The following OPLAH variants were observed in gnomAD, a reference collection of about 807,000 sequenced individuals.
OPLAH encodes 5-oxoprolinase, ATP-hydrolysing.
Under a neutral mutation model 122.8 loss-of-function variants are expected in OPLAH, and 103 were observed. That is an observed-to-expected ratio of 0.84 (90% CI 0.71 to 0.99). The LOEUF (loss-of-function observed/expected upper bound fraction) is 0.99, where lower values mean the gene tolerates loss of function less well. Among genes scored for constraint, OPLAH ranks in the 50% least tolerant of loss-of-function variants. OPLAH has a pLI of 0.00. For synonymous variants in OPLAH, 875 were observed against 796.0 expected, an observed-to-expected ratio of 1.10 and a Z score of -1.67; for missense variants, 1,902 against 1,836.5, an observed-to-expected ratio of 1.04 and a Z score of -0.65.
In OPLAH at chr8:144,059,776, G is replaced by T; in HGVS notation, c.186C>A (p.Leu62=). The T allele has an allele frequency of 6.2e-7, 1 of 1,608,400 alleles. No individual in the cohort carries two copies. Among genetic ancestry groups the T allele is most frequent in the East Asian group, 2.2e-5 (1 of 44,810 alleles). The part of the protein sequence containing the change: ...RRILEQEAGM[L]LPRDQPLDSS... The stretch of plus-strand genomic sequence containing the variant: ...AGTCCAGCGGCTGGTCCCGGGGCAG[G>T]AGCATGCCGGCCTCCTGGGGACCAC... Residue 62 remains leucine (L), a synonymous_variant, in exon 3 of 27, where the codon CTC becomes CTA. Coordinates refer to ENST00000618853, the MANE Select transcript of OPLAH (RefSeq NM_017570.5).
At position 144,055,111 on chromosome 8, in the gene OPLAH, A is replaced by G; in HGVS notation, c.2327T>C (p.Phe776Ser). 6.3e-7 allele frequency: 1 copy of G among 1,586,442 alleles called. No homozygotes were observed. Among genetic ancestry groups the G allele is most frequent in the Non-Finnish European group, 8.6e-7 (1 of 1,166,818 alleles). Residue 776 changes from phenylalanine (F) to serine (S), a missense_variant, in exon 17 of 27, where the codon TTT (phenylalanine) becomes TCT (serine). By Grantham distance (155) the Phe-to-Ser change is radical. Transcript: ENST00000618853. This position sits in a 1 kb window ranked among gnomAD's most constrained non-coding sequence, Gnocchi z 6.5. Reference sequence around the variant, plus strand: ...GGACACCAGCCCCCCATCGGGCCCAAAGAGGGCACAGGAGAAGTCCAGACG... The same window carrying G: ...GGACACCAGCCCCCCATCGGGCCCAGAGAGGGCACAGGAGAAGTCCAGACG... Reference protein sequence around the residue: ...KERLDFSCALFGPDGGLVSNA... With the variant: ...KERLDFSCALSGPDGGLVSNA...
rs1287913116 is a variant in OPLAH, at chr8:144,052,444, C to T, written c.3303+5G>A. 2.0e-6 allele frequency: 3 copies of T among 1,534,662 alleles called. No homozygotes were observed. The highest frequency in any genetic ancestry group is 2.4e-5 in the East Asian group (1 of 40,852). Reference sequence around the variant, plus strand: ...CCCCGAGCTGCGCCCACCCCGCCCCCGCACCTGGGAGGCGGCGCAGGCCCC... The same window carrying T: ...CCCCGAGCTGCGCCCACCCCGCCCCTGCACCTGGGAGGCGGCGCAGGCCCC... On this transcript the variant is annotated splice_donor_5th_base_variant and intron_variant, in intron 23 of 26. Transcript: ENST00000618853.
Position 144,052,379 on chromosome 8 carries a change from C to T in OPLAH, c.3304-53G>A. ...GGGCTGGGGCAGGGCGTCCCCACCT[C>T]GCCCTCCCGCTCCTACTCCAGCCTG... is the stretch of plus-strand genomic sequence containing the variant. On this transcript the variant is annotated intron_variant, in intron 23 of 26. Transcript: ENST00000618853. The T allele has an allele frequency of 1.3e-6, 2 of 1,512,412 alleles. 1 individual carries two copies. Among genetic ancestry groups the T allele is most frequent in the South Asian group, 2.5e-5 (2 of 80,536 alleles). 93.7% of individuals were successfully genotyped at this position (1,512,412 alleles called of 1,614,324 possible).
At chr8:144,053,664 A>G (rs1271717745) in intron 19 of OPLAH, among the ~76,000 whole-genome samples, 1 of 151,948 alleles carries the variant, frequency 6.6e-6, no homozygotes, top group Non-Finnish European at 1.5e-5. Context: ...GCAGCCAGCA[A>G]TGGGCCACCC....
upstream of OPLAH, among the ~76,000 whole-genome samples, chr8:144,062,454 G>C (rs1274819359): frequency 1.3e-5 from 2 of 152,070 alleles, no homozygotes; most frequent in Non-Finnish European, 1.5e-5. Flanking sequence ...AGCCCCACCT[G>C]CCTGCTCTGA....
At position 144,059,983 on chromosome 8, in the gene OPLAH, G is replaced by T. The variant is rs782491462; in HGVS notation, c.50C>A (p.Thr17Asn). ...RFHFAIDRGGTFTDVFAQCPG... is the reference protein window; with the variant it reads ...RFHFAIDRGGNFTDVFAQCPG... ...GCACTGGGCAAAGACGTCTGTGAAG[G>T]TACCCCCACGGTCGATGGCAAAGTG... is the stretch of plus-strand genomic sequence containing the variant. Residue 17 changes from threonine (T) to asparagine (N), a missense_variant, in exon 2 of 27, where the codon ACC (threonine) becomes AAC (asparagine). Physicochemically the swap from Thr to Asn is moderately conservative, Grantham distance 65. Coordinates refer to ENST00000618853, the MANE Select transcript of OPLAH (RefSeq NM_017570.5). The T allele has an allele frequency of 8.7e-6, 14 of 1,612,732 alleles. No homozygotes were observed. Among genetic ancestry groups the T allele is most frequent in the Non-Finnish European group, 1.2e-5 (14 of 1,179,812 alleles).
chr8:144,052,532 C>T lies in OPLAH; in HGVS notation c.3220G>A (p.Ala1074Thr). ...GTGAGCACGTTGCCGCCCACCACCG[C>T]CGCCTCGGGCGACGGGTCCAGGATG... ...GSILDPSPEAAVVGGNVLTSQ... is the reference protein window; with the variant it reads ...GSILDPSPEATVVGGNVLTSQ... Residue 1074 changes from alanine (A) to threonine (T), a missense_variant, in exon 23 of 27, where the codon GCG becomes ACG. Coordinates refer to ENST00000618853, the MANE Select transcript of OPLAH (RefSeq NM_017570.5). The T allele has an allele frequency of 1.3e-6, 2 of 1,591,010 alleles. No individual in the cohort carries two copies. Among genetic ancestry groups the T allele is most frequent in the South Asian group, 1.1e-5 (1 of 89,180 alleles).
At chr8:144,051,161 C>A, downstream of OPLAH, 2 of 1,432,486 alleles carry the variant, frequency 1.4e-6, no homozygotes, top group East Asian at 5.4e-5. Flanking sequence ...GGCTCACGGA[C>A]CACCGGGCAG....
At chr8:144,053,439 C>T (rs1240593952) in intron 19 of OPLAH, 46 bp from the exon 20 acceptor site, 6 of 1,541,082 alleles carry the variant, frequency 3.9e-6, no homozygotes, top group Middle Eastern at 2.1e-4. Flanking sequence ...ACCCTGTCTG[C>T]ACCCCCAACC....
rs6558292 is a variant in OPLAH, at chr8:144,059,740, G to T, written c.222C>A (p.Ile74=). The change falls in exon 3 of 27, where the codon ATC becomes ATA. Residue 74 remains isoleucine, a synonymous_variant. Transcript: ENST00000618853. The part of the protein sequence containing the change: ...PRDQPLDSSH[I]ASIRMGTTVA... ...CTGTGGTGCCCATGCGGATGCTGGCGATATGACTGGAGTCCAGCGGCTGGT... is the reference window on the plus strand; with the variant it reads ...CTGTGGTGCCCATGCGGATGCTGGCTATATGACTGGAGTCCAGCGGCTGGT... The T allele has an allele frequency of 6.2e-7, 1 of 1,610,212 alleles. No individual in the cohort carries two copies. Among genetic ancestry groups the T allele is most frequent in the African/African-American group, 1.3e-5 (1 of 74,920 alleles).
chr8:144,057,871 C>A lies in OPLAH; in HGVS notation c.1141G>T (p.Ala381Ser), dbSNP rs376513157. 8.1e-6 allele frequency: 13 copies of A among 1,611,718 alleles called. No homozygotes were observed. Among genetic ancestry groups the A allele is most frequent in the Non-Finnish European group, 9.3e-6 (11 of 1,179,488 alleles). ...TGACTCTTACCTTTGCGGTAGCAGG[C>A]GGGTCCTGGGTGGGCTCCTGCTGAC... ...PESAGAHPGP[A>S]CYRKGGPVTV... Residue 381 changes from alanine to serine, a missense_variant, in exon 9 of 27, where the codon GCC becomes TCC. By Grantham distance (99) the Ala-to-Ser change is moderately conservative. Around this residue, in one of 3 missense-constraint regions of OPLAH, gnomAD observed 1,726 missense variants for 1,642.1 expected, o/e 1.05. Transcript: ENST00000618853.
In OPLAH at chr8:144,053,265, C is replaced by T. The variant is rs1296749814; in HGVS notation, c.2815G>A (p.Glu939Lys). ...ANQKGIQLVG[E>K]LIGQYGLDVV... ...TCCAGGCCGTACTGCCCAATGAGCT[C>T]CCCCACCAGCTGGATGCCCTTCTGG... Residue 939 changes from glutamate (E) to lysine (K), a missense_variant, in exon 20 of 27, where the codon GAG (glutamate) becomes AAG (lysine). Glu to Lys is a moderately conservative substitution (Grantham distance 56). Around this residue, in one of 3 missense-constraint regions of OPLAH, gnomAD observed 1,726 missense variants for 1,642.1 expected, o/e 1.05. Transcript: ENST00000618853. 6.2e-7 allele frequency: 1 copy of T among 1,613,010 alleles called. No homozygotes were observed. Among genetic ancestry groups the T allele is most frequent in the Non-Finnish European group, 8.5e-7 (1 of 1,179,822 alleles).
intron 1 of OPLAH, 70 bp downstream of exon 1, chr8:144,060,583 C>G (rs532557900): frequency 1.3e-5 from 2 of 149,372 alleles, no homozygotes; most frequent in African/African-American, 5.2e-5. Flanking sequence ...GGGGAAGGGG[C>G]CGCGGAGGGG....
intron 10 of OPLAH, 43 bp from the exon 11 acceptor site, chr8:144,057,363 C>A: frequency 6.3e-7 from 1 of 1,585,988 alleles, no homozygotes; most frequent in East Asian, 2.3e-5. Flanking sequence ...TACTCTACCC[C>A]ATCCAGCCCC....
chr8:144,051,066 C>A (rs1835361222), downstream of OPLAH: 1 of 1,319,732 alleles, frequency 7.6e-7, no homozygotes, highest in Non-Finnish European at 9.6e-7. Context: ...TCCCGGGTGG[C>A]TGGGCCTGCG....
chr8:144,054,352 CG>C (rs1404240762), intron 19 of OPLAH, among the ~76,000 whole-genome samples: 2 of 152,212 alleles, frequency 1.3e-5, no homozygotes, highest in Non-Finnish European at 2.9e-5. Flanking sequence ...AACCACCCCT[CG>C]GGAGGCCTTC....
At position 144,056,133 on chromosome 8, in the gene OPLAH, G is replaced by A. The variant is rs370647630; in HGVS notation, c.2096+14C>T. The A allele has an allele frequency of 2.9e-5, 47 of 1,597,650 alleles. No homozygotes were observed. The highest frequency in any genetic ancestry group is 4.5e-5 in the East Asian group (2 of 44,464). On this transcript the variant is annotated intron_variant, in intron 15 of 26. Transcript: ENST00000618853. The stretch of plus-strand genomic sequence containing the variant: ...CCCGTCCACATCCTCCACCCTGGCC[G>A]GACTTCAGCCCACCTGTTACTGTCG...
chr8:144,063,341 C>A (rs111844162), upstream of OPLAH, among the ~76,000 whole-genome samples: 1 of 152,220 alleles, frequency 6.6e-6, no homozygotes, highest in Non-Finnish European at 1.5e-5. The surrounding 1 kb of genome is among the most constrained non-coding windows in gnomAD (Gnocchi z 4.2). Flanking sequence ...ACACCTCCAC[C>A]CCGGCCAGGC....
Position 144,058,481 on chromosome 8 carries a change from G to A in OPLAH, c.783+15C>T. The A allele has an allele frequency of 6.4e-7, 1 of 1,574,140 alleles. No homozygotes were observed. The highest frequency in any genetic ancestry group is 2.3e-5 in the East Asian group (1 of 44,434). The stretch of plus-strand genomic sequence containing the variant: ...AGGCCCAGGAGTGGGCAGTGGGGGT[G>A]CCTCACAGCCTCACCTTGAGTTGGC... On this transcript the variant is annotated intron_variant, in intron 6 of 26. Coordinates refer to ENST00000618853, the MANE Select transcript of OPLAH (RefSeq NM_017570.5).
Sources: gnomAD v4.1 joint callset for allele counts (sites outside exome capture counted in the v4.1 genomes callset) on GRCh38, gnomAD v4.1.1 for gene constraint, gnomAD v4.1.1 regional missense constraint, Gnocchi (gnomAD v3.1) non-coding constraint, MANE v1.5 for transcripts, NCBI Gene and HGNC (gene_info 2026-07-23, HGNC 2026-07-21) for gene names.